CAMTA1: variants seen among roughly 807,000 people sequenced by gnomAD.
The protein encoded by CAMTA1 is calmodulin binding transcription activator 1, also known as calmodulin-binding transcription activator 1.
In CAMTA1, 27 loss-of-function variants were observed where a neutral mutation model predicts 170.9. The observed-to-expected ratio is 0.16, with a 90% CI of 0.12 to 0.22. The LOEUF (loss-of-function observed/expected upper bound fraction) is 0.22. CAMTA1 is among the 10% of genes least tolerant of loss of function. The pLI is 1.00. For missense variants in CAMTA1, 1,619 were observed against 2,217.2 expected (o/e 0.73, Z 5.42); for synonymous variants, 833 against 891.5 (o/e 0.93, Z 1.17).
rs1558119935 is a variant in CAMTA1 at position 7,680,857 on chromosome 1, C to CCA, written c.2914+3124_2914+3125insCA. Among the ~76,000 whole-genome samples the CCA allele has an allele frequency of 3.8e-5, 3 of 77,930 alleles. No homozygotes were observed. Among genetic ancestry groups the CCA allele is most frequent in the Admixed American group, 2.8e-4 (2 of 7,170 alleles). The allele number at this position is 77,930 out of a possible 152,430, so 51.1% of individuals were successfully genotyped here. A position where few individuals can be genotyped will look rare whatever the true frequency, so the allele number is the denominator to read the frequency against. ...CGCAGAGAACACGCGCGCGCGCGCG[C>CCA]GCGCCAGCAGCAGCAGCAGCAGCAG... On this transcript the variant is annotated intron_variant, in intron 11 of 22. Transcript: ENST00000303635. This position sits in a 1 kb window ranked among gnomAD's most constrained non-coding sequence, Gnocchi z 4.4.
At chr1:7,417,730 G>A (rs2091285998) in intron 5 of CAMTA1, among the ~76,000 whole-genome samples, 1 of 152,190 alleles carries the variant, frequency 6.6e-6, no homozygotes, top group Admixed American at 6.5e-5. Context: ...CTTCCCGAGT[G>A]AGGCAATGCC....
At chr1:7,712,546 C>G (rs1287616285) in intron 11 of CAMTA1, among the ~76,000 whole-genome samples, 1 of 152,082 alleles carries the variant, frequency 6.6e-6, no homozygotes, top group Non-Finnish European at 1.5e-5. Context: ...TCTTGAACTC[C>G]TGAGCTCAAG....
chr1:6,947,316 A>G (rs180914848), intron 3 of CAMTA1, among the ~76,000 whole-genome samples: 15 of 151,952 alleles, frequency 9.9e-5, no homozygotes, highest in Admixed American at 2.6e-4. Context: ...TATTATTTGT[A>G]TATGGGAATG....
intron 6 of CAMTA1, among the ~76,000 whole-genome samples, chr1:7,607,942 T>C (rs938054815): frequency 2.0e-5 from 3 of 152,266 alleles, no homozygotes; most frequent in Admixed American, 1.3e-4. Flanking sequence ...CCTGGAAGTG[T>C]CAGGAAAAGG....
intron 5 of CAMTA1, among the ~76,000 whole-genome samples, chr1:7,421,114 C>T (rs2091530167): frequency 6.6e-6 from 1 of 152,148 alleles, no homozygotes; most frequent in Non-Finnish European, 1.5e-5. Context: ...GCTAGGTGCC[C>T]CGTTCAGTAG....
In CAMTA1 at chr1:7,064,420, A is replaced by C. The variant is rs1708704032; in HGVS notation, c.235-26884A>C. Among the ~76,000 whole-genome samples, 1 of 152,100 alleles carries C rather than the reference A, an allele frequency of 6.6e-6. No individual in the cohort carries two copies. The highest frequency in any genetic ancestry group is 6.6e-5 in the Admixed American group (1 of 15,266). ...GCATTGGGGGTTGGGGCTTCAACCT[A>C]TTAATTTTGGGGAAATACAATTCAG... On this transcript the variant is annotated intron_variant, in intron 3 of 22. Coordinates refer to ENST00000303635, the MANE Select transcript of CAMTA1 (RefSeq NM_015215.4). This position sits in a 1 kb window ranked among gnomAD's most constrained non-coding sequence, Gnocchi z 5.4.
chr1:7,042,996 C>G (rs1432423879), intron 3 of CAMTA1, among the ~76,000 whole-genome samples: 1 of 152,230 alleles, frequency 6.6e-6, no homozygotes, highest in African/African-American at 2.4e-5. Flanking sequence ...CCAAACCACC[C>G]CCCAAGTTTC....
chr1:6,953,387 T>G (rs532245266), intron 3 of CAMTA1, among the ~76,000 whole-genome samples: 1 of 152,370 alleles, frequency 6.6e-6, no homozygotes, highest in African/African-American at 2.4e-5. Flanking sequence ...TCAGTTGGTC[T>G]TTGTTCTTTC....
chr1:7,108,882 G>T (rs534466689), intron 4 of CAMTA1, among the ~76,000 whole-genome samples: 60 of 152,314 alleles, frequency 3.9e-4, no homozygotes, highest in Middle Eastern at 3.4e-3. Context: ...TCTCGGGGCT[G>T]CAGTCAAAGT....
At chr1:7,458,186 C>T (rs2093005808) in intron 5 of CAMTA1, among the ~76,000 whole-genome samples, 1 of 152,194 alleles carries the variant, frequency 6.6e-6, no homozygotes, top group African/African-American at 2.4e-5. Flanking sequence ...CCAGACTGGG[C>T]CACCTGGTCC....
intron 5 of CAMTA1, among the ~76,000 whole-genome samples, chr1:7,264,454 CTT>C (rs1168552673): frequency 3.9e-5 from 6 of 152,304 alleles, no homozygotes; most frequent in African/African-American, 1.4e-4. Context: ...TGGTCAGACT[CTT>C]GTCTTTTAAA....
At chr1:7,207,504 T>G (rs372404651) in intron 4 of CAMTA1, among the ~76,000 whole-genome samples, 5 of 152,192 alleles carry the variant, frequency 3.3e-5, no homozygotes, top group Non-Finnish European at 5.9e-5. Flanking sequence ...CCTAAAAATA[T>G]ACACTCTATT....
chr1:7,202,483 ATATCT>A (rs1234535361), intron 4 of CAMTA1, among the ~76,000 whole-genome samples: 1 of 152,182 alleles, frequency 6.6e-6, no homozygotes, highest in Non-Finnish European at 1.5e-5. Flanking sequence ...GAGAGTACTG[ATATCT>A]TAACGATGTT....
intron 6 of CAMTA1, among the ~76,000 whole-genome samples, chr1:7,620,244 C>T (rs2095588492): frequency 6.6e-6 from 1 of 152,172 alleles, no homozygotes; most frequent in South Asian, 2.1e-4. Context: ...TTTTTGTCAT[C>T]ACCCTTCGAG....
chr1:7,533,749 C>T lies in CAMTA1; in HGVS notation c.510+65848C>T, dbSNP rs1266536852. On this transcript the variant is annotated intron_variant, in intron 6 of 22. Transcript: ENST00000303635. ...CCAACATGGTGAAACCCTGTCTCTA[C>T]TAAAAATATAAAAATTAGCCGGGCA... Among the ~76,000 whole-genome samples the T allele has an allele frequency of 5.3e-5, 8 of 152,088 alleles. No individual in the cohort carries two copies. The East Asian group carries it at 1.6e-3, about 29-fold the overall frequency.
intron 3 of CAMTA1, among the ~76,000 whole-genome samples, chr1:6,968,899 A>AT (rs1692045338): frequency 6.6e-6 from 1 of 152,178 alleles, no homozygotes; most frequent in African/African-American, 2.4e-5. Flanking sequence ...TGGCTGCAGC[A>AT]TGGAGCTAGT....
intron 3 of CAMTA1, among the ~76,000 whole-genome samples, chr1:6,902,785 G>A (rs1246843502): frequency 6.6e-6 from 1 of 152,142 alleles, no homozygotes; most frequent in Non-Finnish European, 1.5e-5. Context: ...TATTAGAGTG[G>A]CTAAAATAAA....
At chr1:7,450,570 C>T (rs990679807) in intron 5 of CAMTA1, among the ~76,000 whole-genome samples, 2 of 152,348 alleles carry the variant, frequency 1.3e-5, no homozygotes, top group East Asian at 3.9e-4. Context: ...CCCGGGGCTG[C>T]AGGCCCCACC....
In CAMTA1 at chr1:7,234,890, G is replaced by A. The variant is rs564053750; in HGVS notation, c.303-14601G>A. ...CAACCTCCACTTCCCAGGTTCAAGC[G>A]ATTCTTGCACCTCAGCCTCATGAGT... On this transcript the variant is annotated intron_variant, in intron 4 of 22. Transcript: ENST00000303635. The surrounding 1 kb of genome is among the most constrained non-coding windows in gnomAD (Gnocchi z 5.0). Among the ~76,000 whole-genome samples the A allele has an allele frequency of 3.7e-4, 56 of 151,156 alleles. No homozygotes were observed. Among genetic ancestry groups the A allele is most frequent in the African/African-American group, 1.3e-3 (55 of 41,090 alleles).
Sources: allele counts gnomAD v4.1 joint callset (sites outside exome capture counted in the v4.1 genomes callset), GRCh38; gene constraint gnomAD v4.1.1; non-coding constraint Gnocchi (gnomAD v3.1); transcripts MANE v1.5; gene names NCBI Gene and HGNC (gene_info 2026-07-23, HGNC 2026-07-21).